Variants in VPS53 observed in about 807,000 individuals in gnomAD.
VPS53 encodes the protein vacuolar protein sorting-associated protein 53 homolog.
A neutral mutation model predicts 107.0 loss-of-function variants in VPS53; 70 were observed. The ratio of observed to expected loss-of-function variants is 0.65; its 90% CI spans 0.54 to 0.80. VPS53 has a LOEUF of 0.80. Among genes scored for constraint, VPS53 ranks in the 30% least tolerant of loss-of-function variants. The probability of loss-of-function intolerance (pLI) is 0.00; values close to 1 mark genes in which losing one functional copy is unlikely to be tolerated. For missense variants in VPS53, 917 were observed against 1,049.4 expected (o/e 0.87, Z 1.74); for synonymous variants, 409 against 393.3 (o/e 1.04, Z -0.47).
chr17:656,731 T>C, intron 5 of VPS53: 1 of 706,226 alleles, frequency 1.4e-6, no homozygotes, highest in Admixed American at 2.1e-5. Context: ...TGTGTGTGTG[T>C]TTTATCATGC....
chr17:643,449 C>A (rs990166065), intron 7 of VPS53, among the ~76,000 whole-genome samples: 13 of 150,342 alleles, frequency 8.6e-5, no homozygotes, highest in Non-Finnish European at 4.4e-5. Context: ...AAAGCGAGGA[C>A]AACACTCATA....
In VPS53 at chr17:710,525, C is replaced by G; in HGVS notation, c.168+8G>C. On this transcript the variant is annotated splice_region_variant and intron_variant, in intron 2 of 21. Coordinates refer to ENST00000437048, the MANE Select transcript of VPS53 (RefSeq NM_001128159.3). Reference sequence around the variant, plus strand: ...GCTGAAAGGAAGGAAACCTGAAACTCTACTTACTTGCTCGGTTGGGAACAG... The same window carrying G: ...GCTGAAAGGAAGGAAACCTGAAACTGTACTTACTTGCTCGGTTGGGAACAG... 1.2e-6 allele frequency: 2 copies of G among 1,610,872 alleles called. No homozygotes were observed. The highest frequency in any genetic ancestry group is 1.7e-6 in the Non-Finnish European group (2 of 1,177,450).
chr17:534,736 G>C (rs1909887776), intron 18 of VPS53, among the ~76,000 whole-genome samples: 2 of 152,084 alleles, frequency 1.3e-5, no homozygotes, highest in Admixed American at 1.3e-4. Flanking sequence ...TGGGCAACAT[G>C]GCAAAATCTC....
chr17:581,373 T>G (rs1967008061), intron 13 of VPS53, among the ~76,000 whole-genome samples: 1 of 150,956 alleles, frequency 6.6e-6, no homozygotes, highest in Non-Finnish European at 1.5e-5. Flanking sequence ...CCAGAGAACC[T>G]CCCTGAGAAC....
At chr17:638,239 C>T (rs1597415961) in intron 7 of VPS53, among the ~76,000 whole-genome samples, 1 of 152,158 alleles carries the variant, frequency 6.6e-6, no homozygotes, top group East Asian at 1.9e-4. Context: ...GATTGCAACC[C>T]CTGCCTTTTT....
At position 517,177 on chromosome 17, in the gene VPS53, CCTTGT is replaced by C; in HGVS notation, c.*1946_*1950del. On this transcript the variant is annotated 3_prime_UTR_variant, in exon 22 of 22. Transcript: ENST00000437048. ...GGCTCTCCCGACTGCCGCCCCCCGC[CCTTGT>C]CTTATTTGGAATCTTTTCCTAATAG... 2 of 334,696 alleles carry C rather than the reference CCTTGT, an allele frequency of 6.0e-6. No homozygotes were observed. The highest frequency in any genetic ancestry group is 1.1e-5 in the Non-Finnish European group (2 of 186,552). The allele number at this position is 334,696 out of a possible 1,614,324, so 20.7% of individuals were successfully genotyped here.
chr17:692,208 A>C (rs947457706), intron 4 of VPS53, among the ~76,000 whole-genome samples: 6 of 151,448 alleles, frequency 4.0e-5, no homozygotes, highest in African/African-American at 1.5e-4. Context: ...CCCTCTATTC[A>C]CCTCTCTTTC....
At chr17:560,751 G>A (rs973775276) in intron 14 of VPS53, among the ~76,000 whole-genome samples, 178 bp from the exon 15 acceptor site, 26 of 152,298 alleles carry the variant, frequency 1.7e-4, no homozygotes, top group South Asian at 8.3e-4. Context: ...TCAGAAATAG[G>A]AAGAGATGAT....
chr17:610,919 CAG>C (rs1968841408), intron 11 of VPS53, among the ~76,000 whole-genome samples: 1 of 147,078 alleles, frequency 6.8e-6, no homozygotes, highest in Admixed American at 6.8e-5. Context: ...GCCTGGGCAA[CAG>C]AGTGAGACTC....
At position 524,567 on chromosome 17, in the gene VPS53, A is replaced by G. The variant is rs1006544957; in HGVS notation, c.2086-2829T>C. On this transcript the variant is annotated intron_variant, in intron 19 of 21. Transcript: ENST00000437048. The surrounding 1 kb of genome is among the most constrained non-coding windows in gnomAD (Gnocchi z 4.5). ...ACAGCGACACAACAACAGGCAAACA[A>G]TACTAACACCGGATTCACAAAAGAG... Among the ~76,000 whole-genome samples, 17 of 152,266 alleles carry G rather than the reference A, an allele frequency of 1.1e-4. No homozygotes were observed. The highest frequency in any genetic ancestry group is 1.1e-3 in the Admixed American group (17 of 15,294).
intron 4 of VPS53, among the ~76,000 whole-genome samples, chr17:678,172 T>C (rs1473998552): frequency 6.6e-6 from 1 of 152,064 alleles, no homozygotes; most frequent in African/African-American, 2.4e-5. Context: ...TCCCAGCACT[T>C]TGAGAGGTCA....
chr17:694,915 G>A (rs1352160218), intron 4 of VPS53, among the ~76,000 whole-genome samples: 1 of 152,138 alleles, frequency 6.6e-6, no homozygotes, highest in African/African-American at 2.4e-5. Flanking sequence ...ATGTTGCCGA[G>A]GCTGGTCTCA....
intron 4 of VPS53, among the ~76,000 whole-genome samples, chr17:696,375 G>A (rs1235288755): frequency 1.3e-5 from 2 of 152,192 alleles, no homozygotes; most frequent in African/African-American, 4.8e-5. Context: ...AGGATTATAT[G>A]CTCCTCCCAC....
chr17:559,724 T>C (rs1283053319), intron 15 of VPS53, among the ~76,000 whole-genome samples: 1 of 152,240 alleles, frequency 6.6e-6, no homozygotes, highest in Non-Finnish European at 1.5e-5. Flanking sequence ...AAATACAAAG[T>C]GGGTAGAAGA....
In VPS53 at chr17:714,548, G is replaced by C. The variant is rs1251926033; in HGVS notation, c.87+75C>G. ...CCCCGGCCCTCCGTCCACCCGCCGCGGCCTCCCCAGCGCCCGGAGCTGCCG... is the reference window on the plus strand; with the variant it reads ...CCCCGGCCCTCCGTCCACCCGCCGCCGCCTCCCCAGCGCCCGGAGCTGCCG... On this transcript the variant is annotated intron_variant, in intron 1 of 21. Coordinates refer to ENST00000437048, the MANE Select transcript of VPS53 (RefSeq NM_001128159.3). 7.7e-6 allele frequency: 11 copies of C among 1,427,968 alleles called. No homozygotes were observed. The Admixed American group carries it at 1.4e-4, about 19-fold the overall frequency. 88.5% of individuals were successfully genotyped at this position (1,427,968 alleles called of 1,614,324 possible).
At chr17:575,855 G>A (rs769881673) in intron 13 of VPS53, among the ~76,000 whole-genome samples, 1 of 149,530 alleles carries the variant, frequency 6.7e-6, no homozygotes, top group Non-Finnish European at 1.5e-5. Context: ...AACCTAATGC[G>A]TTCCCAGAGA....
At chr17:623,338 TG>T (rs1222557835) in intron 11 of VPS53, among the ~76,000 whole-genome samples, 194 bp downstream of exon 11, 1 of 152,186 alleles carries the variant, frequency 6.6e-6, no homozygotes, top group Non-Finnish European at 1.5e-5. Context: ...AGAAACATGA[TG>T]TACTGCGTAA....
chr17:640,639 C>T (rs190774319), intron 7 of VPS53, among the ~76,000 whole-genome samples: 130 of 152,014 alleles, frequency 8.6e-4, no homozygotes, highest in Middle Eastern at 3.4e-3. Flanking sequence ...AAGTCACTTC[C>T]TCTCTGTGGG....
At chr17:639,666 T>C (rs1193685176) in intron 7 of VPS53, among the ~76,000 whole-genome samples, 6 of 152,206 alleles carry the variant, frequency 3.9e-5, no homozygotes, top group African/African-American at 1.4e-4. Flanking sequence ...CTGTTGGAGT[T>C]TGCTGGAGGT....
Sources: gnomAD v4.1 joint callset for allele counts (sites outside exome capture counted in the v4.1 genomes callset) on GRCh38, gnomAD v4.1.1 for gene constraint, Gnocchi (gnomAD v3.1) non-coding constraint, MANE v1.5 for transcripts, NCBI Gene and HGNC (gene_info 2026-07-23, HGNC 2026-07-21) for gene names.